Variants in BBS2 observed in about 807,000 individuals in gnomAD.
BBS2 encodes the protein Bardet-Biedl syndrome 2, also known as BBSome complex member BBS2.
In BBS2, 62 loss-of-function variants were observed where a neutral mutation model predicts 83.0. The ratio of observed to expected loss-of-function variants is 0.75; its 90% CI spans 0.61 to 0.92. The LOEUF (loss-of-function observed/expected upper bound fraction) is 0.92. Among genes scored for constraint, BBS2 ranks in the 40% least tolerant of loss-of-function variants. BBS2 has a pLI of 0.00. For synonymous variants in BBS2, 303 were observed against 326.1 expected (o/e 0.93, Z 0.76); for missense variants, 784 against 901.0 (o/e 0.87, Z 1.66).
chr16:56,482,142 C>T (rs182626648), downstream of BBS2, among the ~76,000 whole-genome samples: 37 of 152,240 alleles, frequency 2.4e-4, no homozygotes, highest in East Asian at 6.7e-3. Flanking sequence ...TTATTAGACT[C>T]CCTAAAAATG....
At chr16:56,494,779 G>A (rs547199532) in intron 15 of BBS2, among the ~76,000 whole-genome samples, 6 of 152,000 alleles carry the variant, frequency 3.9e-5, no homozygotes, top group Non-Finnish European at 8.8e-5. Flanking sequence ...TGGCTAACAC[G>A]GTGAAACCCT....
rs1964300336 is a variant in BBS2, at chr16:56,502,404, G to A, written c.993C>T (p.Thr331=). The A allele has an allele frequency of 1.2e-6, 2 of 1,614,188 alleles. No individual in the cohort carries two copies. ...TAEMRGNLMD[T]SAEQDLIREL... is the part of the protein sequence containing the mutation. ...CTCGGATCAGGTCCTGCTCTGCACT[G>A]GTGTCCATGAGGTTGCCCCTCATCT... The change falls in exon 9 of 17, where the codon ACC becomes ACT. Residue 331 remains threonine, a synonymous_variant. Coordinates refer to ENST00000245157, the MANE Select transcript of BBS2 (RefSeq NM_031885.5).
intron 15 of BBS2, 131 bp from the exon 16 acceptor site, chr16:56,485,869 C>T: frequency 2.5e-6 from 2 of 791,358 alleles, no homozygotes; most frequent in Non-Finnish European, 4.2e-6. Flanking sequence ...AATCGAGTAA[C>T]TGCTAGTTTG....
At chr16:56,501,680 C>T (rs1436698815) in intron 9 of BBS2, 183 bp from the exon 10 acceptor site, 1 of 796,732 alleles carries the variant, frequency 1.3e-6, no homozygotes, top group Admixed American at 2.4e-5. Flanking sequence ...TCTATCTGGC[C>T]CTGTGGGAAA....
chr16:56,497,257 G>A (rs1436897214), intron 14 of BBS2, 178 bp from the exon 15 acceptor site: 2 of 649,182 alleles, frequency 3.1e-6, no homozygotes, highest in Admixed American at 2.2e-5. Flanking sequence ...CATCTGTGCT[G>A]CCTCCAATTT....
intron 7 of BBS2, among the ~76,000 whole-genome samples, chr16:56,504,877 A>G (rs1409336864): frequency 1.3e-5 from 2 of 152,230 alleles, no homozygotes; most frequent in Non-Finnish European, 2.9e-5. Flanking sequence ...ATTGGCAAGT[A>G]GAGCTTGTGA....
At chr16:56,516,718 C>G (rs1243913882) in intron 1 of BBS2, among the ~76,000 whole-genome samples, 2 of 152,096 alleles carry the variant, frequency 1.3e-5, no homozygotes, top group Non-Finnish European at 1.5e-5. Flanking sequence ...AAAAAATATC[C>G]TTGCTAAGGC....
At chr16:56,513,707 G>T (rs561874637) in intron 2 of BBS2, among the ~76,000 whole-genome samples, 1 of 152,282 alleles carries the variant, frequency 6.6e-6, no homozygotes, top group South Asian at 2.1e-4. Context: ...GAAAAATGGG[G>T]AGTGATACTA....
At chr16:56,511,820 A>T (rs1333503198) in intron 2 of BBS2, among the ~76,000 whole-genome samples, 1 of 152,242 alleles carries the variant, frequency 6.6e-6, no homozygotes, top group African/African-American at 2.4e-5. Flanking sequence ...AAGGGCAGAA[A>T]AAGTCCTAAC....
At position 56,519,778 on chromosome 16, in the gene BBS2, G is replaced by T; in HGVS notation, c.85C>A (p.Pro29Thr). Residue 29 changes from proline (P) to threonine (T), a missense_variant, in exon 1 of 17, where the codon CCG (proline) becomes ACG (threonine). Physicochemically the swap from Pro to Thr is conservative, Grantham distance 38. Transcript: ENST00000245157. ...GTTTGGGTGGCGGCCGCCAGGCACG[G>T]GTGAGTCCCGTCGTAGCGCCCTATG... ...VAIGRYDGTH[P>T]CLAAATQTGK... 1 of 1,613,638 alleles carries T rather than the reference G, an allele frequency of 6.2e-7. No homozygotes were observed. Among genetic ancestry groups the T allele is most frequent in the Non-Finnish European group, 8.5e-7 (1 of 1,179,774 alleles).
In BBS2 at chr16:56,514,736, C is replaced by T. The variant is rs181361838; in HGVS notation, c.118-56G>A. 67 of 1,353,598 alleles carry T rather than the reference C, an allele frequency of 4.9e-5. No homozygotes were observed. In the African/African-American group the frequency reaches 9.1e-4, roughly 18 times the overall value. 83.8% of individuals were successfully genotyped at this position (1,353,598 alleles called of 1,614,324 possible). On this transcript the variant is annotated intron_variant, in intron 1 of 16. Transcript: ENST00000245157. Reference sequence around the variant, plus strand: ...TAAAATATAAAAAATTAGTATCATACATTTTTTTAAAAAAGAACCAGGTTA... The same window carrying T: ...TAAAATATAAAAAATTAGTATCATATATTTTTTTAAAAAAGAACCAGGTTA...
At chr16:56,474,744 C>A in intron 17 of BBS2, 3 of 1,054,482 alleles carry the variant, frequency 2.8e-6, no homozygotes, top group Non-Finnish European at 4.2e-6. Flanking sequence ...GTTGCTGTAT[C>A]ATTCCTAATT....
intron 11 of BBS2, chr16:56,500,181 T>C (rs111396567): frequency 2.5e-6 from 1 of 396,076 alleles, no homozygotes; most frequent in South Asian, 2.3e-5. Flanking sequence ...CTTCCACAAA[T>C]AGAGCAGTTT....
intron 4 of BBS2, among the ~76,000 whole-genome samples, chr16:56,510,255 G>A (rs749939211): frequency 6.6e-6 from 1 of 152,096 alleles, no homozygotes; most frequent in Admixed American, 6.5e-5. Flanking sequence ...TCCTGCCATG[G>A]GAGCTGCACA....
intron 17 of BBS2, chr16:56,474,932 C>A (rs1196312137): frequency 6.2e-7 from 1 of 1,613,616 alleles, no homozygotes; most frequent in Admixed American, 1.7e-5. Context: ...AGACTTAATT[C>A]TGTACTGTGG....
chr16:56,498,816 C>G, intron 12 of BBS2: 1 of 945,888 alleles, frequency 1.1e-6, no homozygotes, highest in Non-Finnish European at 1.5e-6. Context: ...CATAATTATG[C>G]CTGGCCCCAC....
At chr16:56,471,081 G>C (rs554070394) in intron 17 of BBS2, among the ~76,000 whole-genome samples, 1 of 152,050 alleles carries the variant, frequency 6.6e-6, no homozygotes, top group African/African-American at 2.4e-5. Context: ...GCCAGGTGCG[G>C]TGGCTTACAC....
intron 14 of BBS2, 24 bp from the exon 15 acceptor site, chr16:56,497,103 A>G (rs1226742035): frequency 6.8e-7 from 1 of 1,477,018 alleles, no homozygotes; most frequent in Non-Finnish European, 9.5e-7. Context: ...ACACTCAGGA[A>G]TGAAAAAGGC....
chr16:56,498,681 C>T, intron 12 of BBS2, 113 bp from the exon 13 acceptor site: 3 of 1,568,426 alleles, frequency 1.9e-6, no homozygotes, highest in Non-Finnish European at 2.6e-6. Context: ...AGTTCTCCTT[C>T]TTTCTAGTTT....
Sources: gnomAD v4.1 joint callset for allele counts (sites outside exome capture counted in the v4.1 genomes callset) on GRCh38, gnomAD v4.1.1 for gene constraint, MANE v1.5 for transcripts, NCBI Gene and HGNC (gene_info 2026-07-23, HGNC 2026-07-21) for gene names.